Variants in LRMDA observed in about 807,000 individuals in gnomAD.
LRMDA encodes the protein leucine rich melanocyte differentiation associated.
LRMDA carries 18 observed loss-of-function variants against 29.8 expected under a neutral mutation model. The ratio of observed to expected loss-of-function variants is 0.60; its 90% CI spans 0.42 to 0.90. LRMDA has a LOEUF of 0.90. Among genes scored for constraint, LRMDA ranks in the 40% least tolerant of loss-of-function variants. The pLI is 0.00. For missense variants in LRMDA, 273 were observed against 273.9 expected (o/e 1.00, Z 0.02); for synonymous variants, 125 against 109.4 (o/e 1.14, Z -0.89).
rs548129163 is a variant in LRMDA, at chr10:76,320,411, G to C, written c.517-3990G>C. Among the ~76,000 whole-genome samples, 4 of 152,238 alleles carry C rather than the reference G, an allele frequency of 2.6e-5. No individual in the cohort carries two copies. The South Asian group carries it at 8.3e-4, about 32-fold the overall frequency. ...AGGGGATACATATTTACCATCATCTGCTTTTTTCTATTCTAGAGCTCACTC... is the reference window on the plus strand; with the variant it reads ...AGGGGATACATATTTACCATCATCTCCTTTTTTCTATTCTAGAGCTCACTC... On this transcript the variant is annotated intron_variant, in intron 5 of 6. Transcript: ENST00000611255.
chr10:75,664,654 T>C (rs763514564), intron 2 of LRMDA, among the ~76,000 whole-genome samples: 1 of 151,458 alleles, frequency 6.6e-6, no homozygotes, highest in Non-Finnish European at 1.5e-5. Flanking sequence ...GGAGGAAGAG[T>C]TGGAAAAGAT....
chr10:76,034,511 C>T (rs947404109), intron 2 of LRMDA, among the ~76,000 whole-genome samples: 6 of 152,112 alleles, frequency 3.9e-5, no homozygotes, highest in African/African-American at 9.7e-5. Context: ...CGAGGTCTGG[C>T]AGGAATGGAA....
intron 2 of LRMDA, among the ~76,000 whole-genome samples, chr10:75,537,731 G>T (rs1322713796): frequency 6.6e-6 from 1 of 152,178 alleles, no homozygotes; most frequent in Non-Finnish European, 1.5e-5. Flanking sequence ...TACCTCTTGG[G>T]TCCAGGGAGT....
intron 2 of LRMDA, among the ~76,000 whole-genome samples, chr10:75,676,837 G>A (rs1841965773): frequency 6.6e-6 from 1 of 152,116 alleles, no homozygotes; most frequent in African/African-American, 2.4e-5. Flanking sequence ...TGGTGGAGGT[G>A]TGGCTCTTCA....
intron 5 of LRMDA, among the ~76,000 whole-genome samples, chr10:76,323,462 C>T (rs938193588): frequency 2.6e-5 from 4 of 151,828 alleles, no homozygotes; most frequent in African/African-American, 9.7e-5. Context: ...TTGTTAGCTT[C>T]GGATTTTGAT....
intron 6 of LRMDA, among the ~76,000 whole-genome samples, chr10:76,371,937 G>A (rs1228447432): frequency 6.6e-6 from 1 of 152,086 alleles, no homozygotes; most frequent in Non-Finnish European, 1.5e-5. Context: ...ACTTCTCTCT[G>A]CTGAGGTCTC....
chr10:75,837,498 C>G (rs1235281009), intron 2 of LRMDA, among the ~76,000 whole-genome samples: 1 of 152,080 alleles, frequency 6.6e-6, no homozygotes, highest in South Asian at 2.1e-4. Flanking sequence ...GGTGCCAGTT[C>G]AAAATGAATT....
At position 75,905,236 on chromosome 10, in the gene LRMDA, C is replaced by CTT. The variant is rs200409197; in HGVS notation, c.132-130754_132-130753dup. ...TAAACTTCCCAGCTCTCTCCTGCCT[C>CTT]TTTTTTTTTTTTTTTTTTTAAATCA... On this transcript the variant is annotated intron_variant, in intron 2 of 6. Coordinates refer to ENST00000611255, the MANE Select transcript of LRMDA (RefSeq NM_001305581.2). 2.5e-3 allele frequency among the ~76,000 whole-genome samples: 327 copies of CTT among 132,994 alleles called. 3 individuals are homozygous for CTT. The highest frequency in any genetic ancestry group is 8.0e-3 in the African/African-American group (293 of 36,440). 87.2% of individuals were successfully genotyped at this position (132,994 alleles called of 152,430 possible). A position where few individuals can be genotyped will look rare whatever the true frequency, so the allele number is the denominator to read the frequency against.
At chr10:75,996,898 A>T (rs532183413) in intron 2 of LRMDA, among the ~76,000 whole-genome samples, 115 of 151,894 alleles carry the variant, frequency 7.6e-4, no homozygotes, top group Non-Finnish European at 1.3e-3. Flanking sequence ...ATGCCCGGCT[A>T]ATTTTTTGTA....
chr10:76,018,971 A>G (rs1847926264), intron 2 of LRMDA, among the ~76,000 whole-genome samples: 2 of 152,178 alleles, frequency 1.3e-5, no homozygotes, highest in South Asian at 4.1e-4. Context: ...TTATGTTACC[A>G]AGGGGTTACT....
chr10:76,187,837 T>G (rs2132217286), intron 5 of LRMDA, among the ~76,000 whole-genome samples: 1 of 152,306 alleles, frequency 6.6e-6, no homozygotes, highest in African/African-American at 2.4e-5. Context: ...TCTTTCATTT[T>G]TAGCAATTCA....
At chr10:76,380,157 G>A (rs1046297646) in intron 6 of LRMDA, among the ~76,000 whole-genome samples, 9 of 152,094 alleles carry the variant, frequency 5.9e-5, no homozygotes, top group Admixed American at 1.3e-4. Flanking sequence ...TATTCCATGC[G>A]TAGATGAGAA....
intron 2 of LRMDA, among the ~76,000 whole-genome samples, chr10:75,481,133 G>A (rs1212355374): frequency 6.6e-6 from 1 of 152,146 alleles, no homozygotes; most frequent in Non-Finnish European, 1.5e-5. Flanking sequence ...CTCTAGGGTT[G>A]AGAGTGAAGT....
chr10:75,810,449 A>G (rs61861026), intron 2 of LRMDA, among the ~76,000 whole-genome samples: 3 of 152,148 alleles, frequency 2.0e-5, no homozygotes. Flanking sequence ...AATATTGAGG[A>G]CACCCAATAT....
chr10:76,297,873 C>T (rs990551059), intron 5 of LRMDA, among the ~76,000 whole-genome samples: 8 of 152,134 alleles, frequency 5.3e-5, no homozygotes, highest in Non-Finnish European at 7.3e-5. Context: ...GGCCTTTTGG[C>T]GTGCTGCAAA....
At chr10:75,610,537 G>A (rs570414467) in intron 2 of LRMDA, among the ~76,000 whole-genome samples, 19 of 152,114 alleles carry the variant, frequency 1.2e-4, no homozygotes, top group Non-Finnish European at 2.1e-4. Context: ...ACAAAGTACA[G>A]TATATTAATT....
intron 6 of LRMDA, among the ~76,000 whole-genome samples, chr10:76,468,104 G>A (rs1035458956): frequency 6.6e-6 from 1 of 151,390 alleles, no homozygotes; most frequent in Non-Finnish European, 1.5e-5. Context: ...CAAGGGAAGT[G>A]TAGCAGCAGG....
At chr10:76,128,841 A>T (rs541037659) in intron 5 of LRMDA, among the ~76,000 whole-genome samples, 1 of 152,258 alleles carries the variant, frequency 6.6e-6, no homozygotes, top group African/African-American at 2.4e-5. Context: ...GTTGAGCAGG[A>T]TGTATTCTAT....
intron 2 of LRMDA, among the ~76,000 whole-genome samples, chr10:75,903,043 G>T (rs1242300362): frequency 1.3e-5 from 2 of 152,206 alleles, no homozygotes; most frequent in African/African-American, 4.8e-5. Context: ...GGGCCGTTCT[G>T]ACTGATGACT....
Sources: gnomAD v4.1 joint callset for allele counts (sites outside exome capture counted in the v4.1 genomes callset) on GRCh38, gnomAD v4.1.1 for gene constraint, MANE v1.5 for transcripts, NCBI Gene and HGNC (gene_info 2026-07-23, HGNC 2026-07-21) for gene names.